The following SCAMP1 variants were observed in gnomAD, a reference collection of about 807,000 sequenced individuals.
SCAMP1 encodes the protein secretory carrier membrane protein 1.
A neutral mutation model predicts 41.8 loss-of-function variants in SCAMP1; 15 were observed. The ratio of observed to expected loss-of-function variants is 0.36; its 90% confidence interval spans 0.24 to 0.55. The LOEUF (loss-of-function observed/expected upper bound fraction) is 0.55. Among genes scored for constraint, SCAMP1 ranks in the 20% least tolerant of loss-of-function variants. The probability of loss-of-function intolerance (pLI) is 0.86; values close to 1 mark genes in which losing one functional copy is unlikely to be tolerated. For missense variants in SCAMP1, 341 were observed against 412.6 expected, an observed-to-expected ratio of 0.83 and a Z score of 1.50; for synonymous variants, 135 against 136.8, an observed-to-expected ratio of 0.99 and a Z score of 0.09.
At chr5:78,406,173 C>T (rs1262845534) in intron 2 of SCAMP1, among the ~76,000 whole-genome samples, 1 of 152,112 alleles carries the variant, frequency 6.6e-6, no homozygotes. Flanking sequence ...CTAAGAATCA[C>T]CATGGGGAGT....
intron 2 of SCAMP1, among the ~76,000 whole-genome samples, chr5:78,400,037 TTGGCCTC>T (rs1561261027): frequency 6.6e-6 from 1 of 152,236 alleles, no homozygotes; most frequent in Non-Finnish European, 1.5e-5. Flanking sequence ...GAATTCTGCC[TTGGCCTC>T]CCTAGTAGCT....
chr5:78,458,353 C>G (rs534981487), intron 7 of SCAMP1, among the ~76,000 whole-genome samples: 54 of 152,274 alleles, frequency 3.5e-4, no homozygotes, highest in African/African-American at 1.3e-3. Flanking sequence ...TTTAGCCATC[C>G]TAATAGGTGT....
Position 78,427,121 on chromosome 5 carries a change from G to A in SCAMP1, c.632+5161G>A, listed in dbSNP as rs563976322. Among the ~76,000 whole-genome samples, 8 of 152,298 alleles carry A rather than the reference G, an allele frequency of 5.3e-5. No individual in the cohort carries two copies. The South Asian group carries it at 1.7e-3, about 32-fold the overall frequency. ...TATTTGGCTCGTGGTTCTGCAGAGT[G>A]TACAAGAACAATGGTGCCAGCATTT... On this transcript the variant is annotated intron_variant, in intron 6 of 8. Coordinates refer to ENST00000621999, the MANE Select transcript of SCAMP1 (RefSeq NM_004866.6).
At chr5:78,393,102 C>T (rs1347531765) in intron 2 of SCAMP1, among the ~76,000 whole-genome samples, 2 of 152,106 alleles carry the variant, frequency 1.3e-5, no homozygotes, top group Non-Finnish European at 2.9e-5. Context: ...TTCTTCTGTA[C>T]TTAATTTTTC....
rs1372148575 is a variant in SCAMP1 at position 78,476,370 on chromosome 5, AT to A, written c.*705del. 1 of 152,372 alleles carries A rather than the reference AT, an allele frequency of 6.6e-6. No homozygotes were observed. The highest frequency in any genetic ancestry group is 1.9e-4 in the East Asian group (1 of 5,204). 9.4% of individuals were successfully genotyped at this position (152,372 alleles called of 1,614,324 possible). A position where few individuals can be genotyped will look rare whatever the true frequency, so the allele number is the denominator to read the frequency against. ...ATCACAGAAATGATATTCTGCAAGA[AT>A]TTCTTTTAAATAAAAAGTTTGGGGG... On this transcript the variant is annotated 3_prime_UTR_variant, in exon 9 of 9. Transcript: ENST00000621999.
chr5:78,432,167 A>G (rs1204580581), intron 6 of SCAMP1, among the ~76,000 whole-genome samples: 3 of 151,894 alleles, frequency 2.0e-5, no homozygotes, highest in East Asian at 1.9e-4. Flanking sequence ...TTCTATCTCT[A>G]TGTGTCACTA....
At chr5:78,443,335 G>A (rs906843088) in intron 6 of SCAMP1, among the ~76,000 whole-genome samples, 21 of 151,740 alleles carry the variant, frequency 1.4e-4, no homozygotes, top group African/African-American at 4.8e-4. Context: ...TTGCTTATCC[G>A]TAAAATGGAG....
At chr5:78,454,460 G>C (rs1175572685) in intron 7 of SCAMP1, among the ~76,000 whole-genome samples, 1 of 151,060 alleles carries the variant, frequency 6.6e-6, no homozygotes, top group Admixed American at 6.6e-5. Context: ...TTTGTCTTTG[G>C]CTCTGTTTAT....
chr5:78,430,197 CAGTATTTATTTATAAATACAGTA>C (rs1752578303), intron 6 of SCAMP1, among the ~76,000 whole-genome samples: 1 of 12,742 alleles, frequency 7.8e-5, no homozygotes, highest in African/African-American at 2.0e-4. Context: ...TTTATAAATA[CAGTATTTATTTATAAATACAGTA>C]TTTATTTATA....
At position 78,448,758 on chromosome 5, in the gene SCAMP1, T is replaced by C. The variant is rs368950092; in HGVS notation, c.633-1175T>C. On this transcript the variant is annotated intron_variant, in intron 6 of 8. Transcript: ENST00000621999. ...GCTCATGCCTGTAATCCCAGCACTTTGGGAGGCCGAGGCGGGCAGATCACC... is the reference window on the plus strand; with the variant it reads ...GCTCATGCCTGTAATCCCAGCACTTCGGGAGGCCGAGGCGGGCAGATCACC... 3.2e-4 allele frequency among the ~76,000 whole-genome samples: 49 copies of C among 152,216 alleles called. 1 individual carries two copies. In the East Asian group the frequency reaches 9.3e-3, roughly 29 times the overall value.
At chr5:78,396,148 T>A (rs1208413322) in intron 2 of SCAMP1, among the ~76,000 whole-genome samples, 2 of 152,170 alleles carry the variant, frequency 1.3e-5, no homozygotes, top group Non-Finnish European at 2.9e-5. Context: ...GTGACAGAAC[T>A]ACTCTATATG....
chr5:78,424,976 T>A (rs992806822), intron 6 of SCAMP1, among the ~76,000 whole-genome samples: 22 of 152,328 alleles, frequency 1.4e-4, no homozygotes, highest in African/African-American at 5.1e-4. Flanking sequence ...GAGCCTCAGT[T>A]TGTTAGGTTT....
chr5:78,444,360 A>C (rs1753002855), intron 6 of SCAMP1, among the ~76,000 whole-genome samples: 1 of 152,174 alleles, frequency 6.6e-6, no homozygotes, highest in South Asian at 2.1e-4. Context: ...GGAGGAGCAA[A>C]GGTATGTCTT....
At chr5:78,416,774 A>G in intron 4 of SCAMP1, 125 bp downstream of exon 4, 1 of 651,196 alleles carries the variant, frequency 1.5e-6, no homozygotes, top group South Asian at 2.0e-5. Context: ...TAACAAGGAG[A>G]TCAGACACAG....
At chr5:78,385,529 T>G (rs1751319898) in intron 1 of SCAMP1, among the ~76,000 whole-genome samples, 1 of 152,186 alleles carries the variant, frequency 6.6e-6, no homozygotes, top group Non-Finnish European at 1.5e-5. Context: ...CCTTGAGGTG[T>G]GACCTTAGAT....
chr5:78,430,027 C>A (rs532567451), intron 6 of SCAMP1, among the ~76,000 whole-genome samples: 249 of 148,652 alleles, frequency 1.7e-3, no homozygotes, highest in African/African-American at 5.8e-3. Context: ...TTATTTATTA[C>A]TATGTAAATA....
intron 6 of SCAMP1, among the ~76,000 whole-genome samples, chr5:78,438,246 T>C (rs922107393): frequency 6.6e-6 from 1 of 152,102 alleles, no homozygotes; most frequent in African/African-American, 2.4e-5. Context: ...TATTTCTTGC[T>C]TTCTGCTAGC....
At chr5:78,369,490 A>G (rs1750888133) in intron 1 of SCAMP1, among the ~76,000 whole-genome samples, 1 of 152,192 alleles carries the variant, frequency 6.6e-6, no homozygotes, top group Non-Finnish European at 1.5e-5. Flanking sequence ...TAGTAACATC[A>G]AGTATCACTG....
At chr5:78,458,115 T>G (rs2112228006) in intron 7 of SCAMP1, among the ~76,000 whole-genome samples, 1 of 151,958 alleles carries the variant, frequency 6.6e-6, no homozygotes, top group African/African-American at 2.4e-5. Flanking sequence ...ACCTGGTACC[T>G]CAGATGGAAA....
Sources: allele counts gnomAD v4.1 joint callset (sites outside exome capture counted in the v4.1 genomes callset), GRCh38; gene constraint gnomAD v4.1.1; transcripts MANE v1.5; gene names NCBI Gene and HGNC (gene_info 2026-07-23, HGNC 2026-07-21).